The following TANC2 variants were observed in gnomAD, a reference collection of about 807,000 sequenced individuals.
TANC2 encodes the protein tetratricopeptide repeat, ankyrin repeat and coiled-coil containing 2.
Under a neutral mutation model 210.5 loss-of-function variants are expected in TANC2, and 26 were observed. The ratio of observed to expected loss-of-function variants is 0.12; its 90% CI spans 0.09 to 0.17. The LOEUF is 0.17. Ranked by LOEUF, TANC2 falls within the 10% of genes least tolerant of loss-of-function variation. The pLI is 1.00. For missense variants in TANC2, 2,129 were observed against 2,608.9 expected (o/e 0.82, Z 4.01); for synonymous variants, 931 against 967.1 (o/e 0.96, Z 0.69).
intron 1 of TANC2, among the ~76,000 whole-genome samples, chr17:63,006,746 C>G (rs1056727311): frequency 6.6e-6 from 1 of 151,448 alleles, no homozygotes; most frequent in African/African-American, 2.4e-5. Context: ...ATATTCAAGT[C>G]TAGTTATTTA....
At chr17:63,222,659 A>T (rs977239754) in intron 7 of TANC2, among the ~76,000 whole-genome samples, 19 of 152,192 alleles carry the variant, frequency 1.2e-4, no homozygotes, top group African/African-American at 4.6e-4. Context: ...TCAAAACTGC[A>T]TTTTTTTACT....
At chr17:63,407,563 AT>A (rs1242685537) in intron 21 of TANC2, among the ~76,000 whole-genome samples, 1 of 152,060 alleles carries the variant, frequency 6.6e-6, no homozygotes, top group Admixed American at 6.5e-5. Context: ...GGACTGTTTC[AT>A]TTTTTTCCAC....
intron 14 of TANC2, among the ~76,000 whole-genome samples, chr17:63,375,124 C>T (rs111520178): frequency 1.3e-5 from 2 of 152,184 alleles, no homozygotes; most frequent in African/African-American, 4.8e-5. Flanking sequence ...AATCTCAGTG[C>T]TCAAGATGTC....
chr17:62,996,172 A>G (rs2033097417), intron 1 of TANC2, among the ~76,000 whole-genome samples: 2 of 152,210 alleles, frequency 1.3e-5, no homozygotes, highest in South Asian at 2.1e-4. Context: ...CCTCAAATTC[A>G]TGCTAGATTT....
chr17:63,358,379 ATGTGTG>A (rs375498280), intron 14 of TANC2, among the ~76,000 whole-genome samples: 13 of 139,540 alleles, frequency 9.3e-5, no homozygotes, highest in African/African-American at 2.5e-4. Flanking sequence ...GAGAGAGAGT[ATGTGTG>A]TGTGTGTGTG....
At chr17:62,984,531 C>G (rs959319921) in intron 1 of TANC2, among the ~76,000 whole-genome samples, 4 of 151,706 alleles carry the variant, frequency 2.6e-5, no homozygotes, top group African/African-American at 9.7e-5. Flanking sequence ...TTTTCTAGTT[C>G]CTTTGAGATG....
At chr17:63,084,144 C>T (rs1222386809) in intron 3 of TANC2, among the ~76,000 whole-genome samples, 1 of 152,188 alleles carries the variant, frequency 6.6e-6, no homozygotes, top group Non-Finnish European at 1.5e-5. Flanking sequence ...TTACCAGTTA[C>T]TGATTAAATT....
chr17:63,002,909 T>C (rs1168095701), intron 1 of TANC2, among the ~76,000 whole-genome samples: 1 of 152,226 alleles, frequency 6.6e-6, no homozygotes, highest in Non-Finnish European at 1.5e-5. Flanking sequence ...AGGTATAGGG[T>C]ATTATAAATC....
At chr17:63,266,487 G>C (rs2043531719) in intron 8 of TANC2, among the ~76,000 whole-genome samples, 2 of 152,110 alleles carry the variant, frequency 1.3e-5, no homozygotes, top group Non-Finnish European at 2.9e-5. Flanking sequence ...TTTACTTACT[G>C]TCATAATTCT....
chr17:63,401,198 C>A (rs890250652), intron 19 of TANC2, among the ~76,000 whole-genome samples: 1 of 152,136 alleles, frequency 6.6e-6, no homozygotes, highest in South Asian at 2.1e-4. Context: ...AAATCCTATA[C>A]ATATTTTCAC....
chr17:63,206,746 T>G (rs1034754432), intron 7 of TANC2, among the ~76,000 whole-genome samples: 1 of 152,154 alleles, frequency 6.6e-6, no homozygotes, highest in Non-Finnish European at 1.5e-5. Context: ...AGTTATTGTT[T>G]AATGGATACA....
chr17:63,378,702 C>T (rs2047505363), intron 14 of TANC2, among the ~76,000 whole-genome samples: 1 of 152,190 alleles, frequency 6.6e-6, no homozygotes, highest in African/African-American at 2.4e-5. Flanking sequence ...CAGATGCTAT[C>T]AGGAACCTCA....
At chr17:63,365,541 C>T (rs972084450) in intron 14 of TANC2, among the ~76,000 whole-genome samples, 1 of 152,192 alleles carries the variant, frequency 6.6e-6, no homozygotes, top group Admixed American at 6.5e-5. Flanking sequence ...GAAAATCCTC[C>T]AGTGGCTTTC....
chr17:63,172,657 A>G (rs1240110991), intron 5 of TANC2, among the ~76,000 whole-genome samples: 3 of 152,206 alleles, frequency 2.0e-5, no homozygotes, highest in East Asian at 1.9e-4. Flanking sequence ...AGTCACTGAA[A>G]CATAGTAGGT....
intron 17 of TANC2, chr17:63,391,319 A>G (rs1434056859): frequency 6.6e-6 from 1 of 152,156 alleles, no homozygotes; most frequent in African/African-American, 2.4e-5. Context: ...AACCACTTGC[A>G]TTCTGGCTTC....
chr17:63,041,411 A>G (rs1484138444), intron 2 of TANC2, among the ~76,000 whole-genome samples: 1 of 152,164 alleles, frequency 6.6e-6, no homozygotes, highest in African/African-American at 2.4e-5. Context: ...CTCACAAGAT[A>G]CAGCAGCCTC....
chr17:63,241,714 G>C (rs2042779068), intron 8 of TANC2, among the ~76,000 whole-genome samples: 1 of 152,114 alleles, frequency 6.6e-6, no homozygotes, highest in African/African-American at 2.4e-5. Flanking sequence ...CGGCTATACA[G>C]GTCATATACA....
rs192330498 is a variant in TANC2, at chr17:63,282,849, A to G, written c.1159+14976A>G. Among the ~76,000 whole-genome samples the G allele has an allele frequency of 3.9e-5, 6 of 151,962 alleles. No homozygotes were observed. The East Asian group carries it at 1.2e-3, about 29-fold the overall frequency. On this transcript the variant is annotated intron_variant, in intron 9 of 27. Coordinates refer to ENST00000689528, the Ensembl canonical transcript of TANC2. ...CTCTTTAAGTTGTGAAACTTTTTTT[A>G]TCTAGTTTGGATGCACGTCCTTTAA...
chr17:63,218,578 A>G lies in TANC2; in HGVS notation c.769+17621A>G, dbSNP rs1434978598. ...GATACTCTGTGTATAAAGTTTAAGA[A>G]ATCTACCAAAAATAACTATTAGAAA... On this transcript the variant is annotated intron_variant, in intron 7 of 27. Coordinates refer to ENST00000689528, the Ensembl canonical transcript of TANC2. Among the ~76,000 whole-genome samples, 6 of 152,118 alleles carry G rather than the reference A, an allele frequency of 3.9e-5. 1 individual carries two copies. The highest frequency in any genetic ancestry group is 1.2e-4 in the African/African-American group (5 of 41,428).
Sources: allele counts gnomAD v4.1 joint callset (sites outside exome capture counted in the v4.1 genomes callset), GRCh38; gene constraint gnomAD v4.1.1; transcripts MANE v1.5; gene names NCBI Gene and HGNC (gene_info 2026-07-23, HGNC 2026-07-21).